The following GTPBP2 variants were observed in gnomAD, a reference collection of about 807,000 sequenced individuals.
GTPBP2 encodes the protein GTP-binding protein 2.
Under a neutral mutation model 63.0 loss-of-function variants are expected in GTPBP2, and 32 were observed. The observed-to-expected ratio is 0.51, with a 90% CI of 0.38 to 0.68. The LOEUF is 0.68. Among genes scored for constraint, GTPBP2 ranks in the 30% least tolerant of loss-of-function variants. The probability of loss-of-function intolerance (pLI) is 0.00; values close to 1 mark genes in which losing one functional copy is unlikely to be tolerated. For missense variants in GTPBP2, 492 were observed against 796.9 expected, an observed-to-expected ratio of 0.62 and a Z score of 4.61; for synonymous variants, 310 against 322.6, an observed-to-expected ratio of 0.96 and a Z score of 0.42.
In GTPBP2 at chr6:43,625,896, C is replaced by G. The variant is rs1769282403; in HGVS notation, c.399-32G>C. The G allele has an allele frequency of 2.0e-6, 3 of 1,531,396 alleles. No individual in the cohort carries two copies. The highest frequency in any genetic ancestry group is 2.7e-6 in the Non-Finnish European group (3 of 1,104,660). 94.9% of individuals were successfully genotyped at this position (1,531,396 alleles called of 1,614,324 possible). ...CAGCAAGGCCACAGCTGCCATATCT[C>G]ACCTGTCCTTCTCCTATTCCAGGCT... On this transcript the variant is annotated intron_variant, in intron 3 of 11. Transcript: ENST00000307126. This position sits in a 1 kb window ranked among gnomAD's most constrained non-coding sequence, Gnocchi z 5.1.
In GTPBP2 at chr6:43,622,361, C is replaced by T. The variant is rs1471227981; in HGVS notation, c.1468-194G>A. Among the ~76,000 whole-genome samples, 1 of 152,160 alleles carries T rather than the reference C, an allele frequency of 6.6e-6. No individual in the cohort carries two copies. The highest frequency in any genetic ancestry group is 2.4e-5 in the African/African-American group (1 of 41,422). ...TTACCCACCTCCTACGTCCTCTAGC[C>T]CATCTAACGCTTCACATTTTTAGGG... is the stretch of plus-strand genomic sequence containing the variant. On this transcript the variant is annotated intron_variant, in intron 10 of 11. Transcript: ENST00000307126. This position sits in a 1 kb window ranked among gnomAD's most constrained non-coding sequence, Gnocchi z 5.4.
At chr6:43,629,578 G>C, upstream of GTPBP2, 1 of 712,218 alleles carries the variant, frequency 1.4e-6, no homozygotes, top group African/African-American at 1.8e-5. Context: ...GTGGGGACGC[G>C]AGGACACCAG....
intron 1 of GTPBP2, among the ~76,000 whole-genome samples, chr6:43,627,562 C>T (rs756638377): frequency 3.9e-5 from 6 of 152,172 alleles, no homozygotes; most frequent in Non-Finnish European, 7.3e-5. Context: ...CGGACAGACT[C>T]GCTATGGCCT....
rs1455257984 is a variant in GTPBP2 at position 43,625,323 on chromosome 6, T to G, written c.705+40A>C. 6.3e-7 allele frequency: 1 copy of G among 1,576,118 alleles called. No individual in the cohort carries two copies. The highest frequency in any genetic ancestry group is 1.7e-5 in the Admixed American group (1 of 59,948). On this transcript the variant is annotated intron_variant, in intron 5 of 11. Coordinates refer to ENST00000307126, the MANE Select transcript of GTPBP2 (RefSeq NM_019096.5). The surrounding 1 kb of genome is among the most constrained non-coding windows in gnomAD (Gnocchi z 5.1). ...GTCCTTCACTACTACCATCCCATCC[T>G]CAGAGTCTGGCCCCATTGGGTCCCA...
Position 43,625,567 on chromosome 6 carries a change from A to AT in GTPBP2, c.508-8dup. 1 of 1,609,216 alleles carries AT rather than the reference A, an allele frequency of 6.2e-7. No homozygotes were observed. ...CCACACGGAGGTCTAGGAACTGTGG[A>AT]TGAATTGCCAGAGATAAGAACTCCA... On this transcript the variant is annotated splice_region_variant and splice_polypyrimidine_tract_variant and intron_variant, in intron 4 of 11. Coordinates refer to ENST00000307126, the MANE Select transcript of GTPBP2 (RefSeq NM_019096.5). This position sits in a 1 kb window ranked among gnomAD's most constrained non-coding sequence, Gnocchi z 5.1.
chr6:43,623,267 C>T (rs1768956896), intron 9 of GTPBP2: 1 of 175,178 alleles, frequency 5.7e-6, no homozygotes, highest in African/African-American at 2.4e-5. Flanking sequence ...TGGTAGGCGC[C>T]TGTAATTCCA....
chr6:43,628,763 A>C lies in GTPBP2; in HGVS notation c.186+214T>G, dbSNP rs1161496501. The C allele has an allele frequency of 3.8e-6, 3 of 782,424 alleles. No homozygotes were observed. In the African/African-American group the frequency reaches 5.2e-5, roughly 14 times the overall value. The allele number at this position is 782,424 out of a possible 1,614,324, so 48.5% of individuals were successfully genotyped here. ...TCAGAAGGGGGAGTCCTCCCTCTCC[A>C]CTCTTCCTCCCTGAGGTCCTGTCAC... On this transcript the variant is annotated intron_variant, in intron 1 of 11. Transcript: ENST00000307126.
In GTPBP2 at chr6:43,626,064, T is replaced by C. The variant is rs886960315; in HGVS notation, c.398+162A>G. ...TCTTAATTCAAGGAGCAAAACAGCC[T>C]AGGTCCAGTGAGGAGGGGACCAAAA... is the stretch of plus-strand genomic sequence containing the variant. On this transcript the variant is annotated intron_variant, in intron 3 of 11. Transcript: ENST00000307126. The surrounding 1 kb of genome is among the most constrained non-coding windows in gnomAD (Gnocchi z 4.0). Among the ~76,000 whole-genome samples, 5 of 152,326 alleles carry C rather than the reference T, an allele frequency of 3.3e-5. No individual in the cohort carries two copies. The highest frequency in any genetic ancestry group is 2.1e-4 in the South Asian group (1 of 4,834).
chr6:43,620,523 A>G lies in GTPBP2; in HGVS notation c.*1091T>C. Reference sequence around the variant, plus strand: ...ATAAAACATTTTTATTCTGTACAATATATATGTGTATTTAAATATATATAC... The same window carrying G: ...ATAAAACATTTTTATTCTGTACAATGTATATGTGTATTTAAATATATATAC... On this transcript the variant is annotated 3_prime_UTR_variant, in exon 12 of 12. Transcript: ENST00000307126. 4.6e-6 allele frequency: 1 copy of G among 216,246 alleles called. No homozygotes were observed. Among genetic ancestry groups the G allele is most frequent in the Non-Finnish European group, 9.4e-6 (1 of 106,626 alleles). 13.4% of individuals were successfully genotyped at this position (216,246 alleles called of 1,614,324 possible). A position where few individuals can be genotyped will look rare whatever the true frequency, so the allele number is the denominator to read the frequency against.
chr6:43,627,435 G>A (rs1335924501), intron 1 of GTPBP2: 1 of 603,098 alleles, frequency 1.7e-6, no homozygotes, highest in Non-Finnish European at 2.1e-6. Context: ...AGAGCCAAAG[G>A]GTGAGCTCAG....
Position 43,626,505 on chromosome 6 carries a change from C to T in GTPBP2, c.214-95G>A, listed in dbSNP as rs899662122. ...GTTCTGCTGCAAGGACCAGGACTTT[C>T]TCTTTCCACTTAAACTCATACCTGA... On this transcript the variant is annotated intron_variant, in intron 2 of 11. Coordinates refer to ENST00000307126, the MANE Select transcript of GTPBP2 (RefSeq NM_019096.5). This position sits in a 1 kb window ranked among gnomAD's most constrained non-coding sequence, Gnocchi z 4.0. 1.1e-6 allele frequency: 1 copy of T among 946,350 alleles called. No individual in the cohort carries two copies. The highest frequency in any genetic ancestry group is 1.6e-6 in the Non-Finnish European group (1 of 614,198). The allele number at this position is 946,350 out of a possible 1,614,324, so 58.6% of individuals were successfully genotyped here.
In GTPBP2 at chr6:43,626,597, T is replaced by G. The variant is rs143876715; in HGVS notation, c.214-187A>C. On this transcript the variant is annotated intron_variant, in intron 2 of 11. Transcript: ENST00000307126. This position sits in a 1 kb window ranked among gnomAD's most constrained non-coding sequence, Gnocchi z 4.0. ...CCATATCCTTAAACTGCTATAATTA[T>G]GAAGTTGGAAGGCTCTCAGAGAACT... Among the ~76,000 whole-genome samples the G allele has an allele frequency of 8.0e-4, 122 of 152,296 alleles. No homozygotes were observed. Among genetic ancestry groups the G allele is most frequent in the Admixed American group, 1.8e-3 (27 of 15,302 alleles).
rs1051166444 is a variant in GTPBP2, at chr6:43,624,835, G to A, written c.880+53C>T. 6 of 1,594,946 alleles carry A rather than the reference G, an allele frequency of 3.8e-6. No individual in the cohort carries two copies. In the South Asian group the frequency reaches 5.5e-5, roughly 15 times the overall value. ...CTGTCTCCAAGATTTGAGGCCCAGG[G>A]TAGGAGAGTCAGCACCCCCCTTCAG... On this transcript the variant is annotated intron_variant, in intron 6 of 11. Transcript: ENST00000307126. The surrounding 1 kb of genome is among the most constrained non-coding windows in gnomAD (Gnocchi z 5.1).
At chr6:43,629,296 A>T (rs1283535500), upstream of GTPBP2, 2 of 643,724 alleles carry the variant, frequency 3.1e-6, no homozygotes, top group Non-Finnish European at 4.8e-6. Context: ...TACGCCCCCC[A>T]CCTCCCTGGC....
At position 43,626,204 on chromosome 6, in the gene GTPBP2, TG is replaced by T. The variant is rs1769330449; in HGVS notation, c.398+21del. On this transcript the variant is annotated intron_variant, in intron 3 of 11. Transcript: ENST00000307126. This position sits in a 1 kb window ranked among gnomAD's most constrained non-coding sequence, Gnocchi z 4.0. Reference sequence around the variant, plus strand: ...CCCCCCAAGTCAGGTAAAGGAGAACTGGTGGGGAAGGGGAAGCATACTTCTC... The same window carrying T: ...CCCCCCAAGTCAGGTAAAGGAGAACTGTGGGGAAGGGGAAGCATACTTCTC... The T allele has an allele frequency of 6.2e-7, 1 of 1,608,256 alleles. No individual in the cohort carries two copies. The highest frequency in any genetic ancestry group is 2.2e-5 in the East Asian group (1 of 44,752).
In GTPBP2 at chr6:43,626,781, T is replaced by C. The variant is rs1438357633; in HGVS notation, c.213+141A>G. 1 of 686,672 alleles carries C rather than the reference T, an allele frequency of 1.5e-6. No individual in the cohort carries two copies. The highest frequency in any genetic ancestry group is 1.9e-5 in the South Asian group (1 of 53,152). The allele number at this position is 686,672 out of a possible 1,614,324, so 42.5% of individuals were successfully genotyped here. ...GAGGCTGAGGCAGGAGAATCTGAGATTGCGCCACTGCACTCCAGCCTAGGC... is the reference window on the plus strand; with the variant it reads ...GAGGCTGAGGCAGGAGAATCTGAGACTGCGCCACTGCACTCCAGCCTAGGC... On this transcript the variant is annotated intron_variant, in intron 2 of 11. Transcript: ENST00000307126. This position sits in a 1 kb window ranked among gnomAD's most constrained non-coding sequence, Gnocchi z 4.0.
upstream of GTPBP2, among the ~76,000 whole-genome samples, chr6:43,630,384 C>T (rs940339117): frequency 6.6e-6 from 1 of 152,206 alleles, no homozygotes; most frequent in Non-Finnish European, 1.5e-5. Context: ...ACTCAGACCA[C>T]TCACAGTGTG....
chr6:43,623,042 C>T (rs755545), intron 9 of GTPBP2: 20 of 521,634 alleles, frequency 3.8e-5, no homozygotes, highest in African/African-American at 2.3e-4. Flanking sequence ...TTAACAACAC[C>T]GAACACCTAA....
intron 1 of GTPBP2, 162 bp from the exon 2 acceptor site, chr6:43,627,110 C>G: frequency 2.9e-6 from 2 of 687,856 alleles, no homozygotes. Flanking sequence ...ACAAGATCCT[C>G]TATTCACCCC....
Sources: gnomAD v4.1 joint callset for allele counts (sites outside exome capture counted in the v4.1 genomes callset) on GRCh38, gnomAD v4.1.1 for gene constraint, Gnocchi (gnomAD v3.1) non-coding constraint, MANE v1.5 for transcripts, NCBI Gene and HGNC (gene_info 2026-07-23, HGNC 2026-07-21) for gene names.